Variants in ADGRL3 observed in about 807,000 individuals in gnomAD.
ADGRL3 encodes the protein calcium-independent alpha-latrotoxin receptor 3.
A neutral mutation model predicts 153.5 loss-of-function variants in ADGRL3; 62 were observed. The observed-to-expected ratio is 0.40, with a 90% CI of 0.33 to 0.50. The LOEUF (loss-of-function observed/expected upper bound fraction) is 0.50, where lower values mean the gene tolerates loss of function less well. Among genes scored for constraint, ADGRL3 ranks in the 20% least tolerant of loss-of-function variants. The pLI is 0.47. For synonymous variants in ADGRL3, 710 were observed against 672.5 expected (o/e 1.06, Z -0.86); for missense variants, 1,641 against 1,859.4 (o/e 0.88, Z 2.16).
chr4:61,937,715 G>C (rs889038171), intron 15 of ADGRL3, among the ~76,000 whole-genome samples: 7 of 152,132 alleles, frequency 4.6e-5, no homozygotes, highest in African/African-American at 1.7e-4. Flanking sequence ...CAGAGGCCTT[G>C]TCTAATCTTG....
intron 5 of ADGRL3, among the ~76,000 whole-genome samples, chr4:61,673,158 A>AT (rs2095064585): frequency 6.6e-6 from 1 of 151,892 alleles, no homozygotes; most frequent in Non-Finnish European, 1.5e-5. Context: ...AGAAAGTAGA[A>AT]TGGTAGTTTC....
intron 21 of ADGRL3, among the ~76,000 whole-genome samples, chr4:62,006,473 T>C (rs1279405843): frequency 6.6e-6 from 1 of 152,058 alleles, no homozygotes; most frequent in Non-Finnish European, 1.5e-5. Context: ...GTTTTTGTTT[T>C]TGTTTTTTTG....
intron 6 of ADGRL3, among the ~76,000 whole-genome samples, chr4:61,679,213 C>A (rs1168679574): frequency 1.3e-5 from 2 of 151,898 alleles, no homozygotes; most frequent in Admixed American, 1.3e-4. Flanking sequence ...AGCTCCTAGA[C>A]TCTATTTAAT....
At chr4:61,526,844 A>G (rs1039116516) in intron 4 of ADGRL3, among the ~76,000 whole-genome samples, 1 of 152,184 alleles carries the variant, frequency 6.6e-6, no homozygotes. Flanking sequence ...AGATAAGTAG[A>G]GAAACACTGG....
At chr4:61,579,037 C>A (rs1271356872) in intron 4 of ADGRL3, among the ~76,000 whole-genome samples, 1 of 152,028 alleles carries the variant, frequency 6.6e-6, no homozygotes, top group South Asian at 2.1e-4. Flanking sequence ...AGCTTGTTCA[C>A]ATACATGAAG....
At chr4:61,335,491 T>G (rs2095656657) in intron 1 of ADGRL3, among the ~76,000 whole-genome samples, 1 of 152,208 alleles carries the variant, frequency 6.6e-6, no homozygotes, top group South Asian at 2.1e-4. Flanking sequence ...CTTTCAGGAC[T>G]GATGTTCCTG....
At chr4:61,351,837 T>C (rs2096058443) in intron 1 of ADGRL3, among the ~76,000 whole-genome samples, 1 of 152,180 alleles carries the variant, frequency 6.6e-6, no homozygotes, top group Non-Finnish European at 1.5e-5. Flanking sequence ...GATGGAGATG[T>C]GTAAGAAGAT....
chr4:61,912,668 C>G, intron 12 of ADGRL3, 51 bp from the exon 13 acceptor site: 1 of 1,530,606 alleles, frequency 6.5e-7, no homozygotes, highest in Non-Finnish European at 9.0e-7. Context: ...TCTTCTGTCA[C>G]TAACTTGTTT....
intron 5 of ADGRL3, among the ~76,000 whole-genome samples, chr4:61,627,192 C>A (rs2092884669): frequency 6.6e-6 from 1 of 151,994 alleles, no homozygotes; most frequent in Non-Finnish European, 1.5e-5. Context: ...TTTACTTGAT[C>A]TTATATTAAT....
At chr4:61,922,667 G>C (rs2098775236) in intron 13 of ADGRL3, among the ~76,000 whole-genome samples, 1 of 152,118 alleles carries the variant, frequency 6.6e-6, no homozygotes, top group Admixed American at 6.6e-5. Context: ...TTAAAAAATA[G>C]TAAACACATA....
intron 8 of ADGRL3, among the ~76,000 whole-genome samples, chr4:61,734,014 C>A (rs916368155): frequency 6.6e-6 from 1 of 152,156 alleles, no homozygotes; most frequent in Non-Finnish European, 1.5e-5. Flanking sequence ...CATATCTGAC[C>A]TCCCATTTTG....
intron 6 of ADGRL3, among the ~76,000 whole-genome samples, chr4:61,720,833 CATA>C (rs1257510975): frequency 6.6e-6 from 1 of 152,134 alleles, no homozygotes; most frequent in East Asian, 1.9e-4. Flanking sequence ...TCATAATTAT[CATA>C]ATCCTTATGT....
intron 5 of ADGRL3, among the ~76,000 whole-genome samples, chr4:61,651,677 G>A (rs2094257684): frequency 6.6e-6 from 1 of 151,352 alleles, no homozygotes; most frequent in Non-Finnish European, 1.5e-5. Context: ...GCGTGATCTC[G>A]GCTCACTGCA....
At chr4:61,266,412 G>C (rs576175544) in intron 1 of ADGRL3, among the ~76,000 whole-genome samples, 1 of 151,852 alleles carries the variant, frequency 6.6e-6, no homozygotes, top group Non-Finnish European at 1.5e-5. Flanking sequence ...TATTTGGGAG[G>C]ACTTTTACAT....
chr4:61,496,558 C>T (rs542397388), intron 2 of ADGRL3, among the ~76,000 whole-genome samples: 254 of 152,092 alleles, frequency 1.7e-3, no homozygotes, highest in Non-Finnish European at 2.6e-3. Context: ...AGGAGAATCG[C>T]GTGAACCCGG....
At chr4:61,556,559 C>T (rs1333954483) in intron 4 of ADGRL3, among the ~76,000 whole-genome samples, 1 of 152,050 alleles carries the variant, frequency 6.6e-6, no homozygotes, top group Non-Finnish European at 1.5e-5. Context: ...GTCACTCTCC[C>T]TGCACTATGG....
chr4:61,926,474 A>G (rs942702655), intron 13 of ADGRL3, among the ~76,000 whole-genome samples: 4 of 152,102 alleles, frequency 2.6e-5, no homozygotes, highest in Admixed American at 6.5e-5. Flanking sequence ...ATCATTTTAA[A>G]TATCTTTGGA....
rs115552912 is a variant in ADGRL3, at chr4:61,395,132, C to T, written c.-174+11943C>T. On this transcript the variant is annotated intron_variant, in intron 2 of 26. Coordinates refer to ENST00000683033, the MANE Select transcript of ADGRL3 (RefSeq NM_001387552.1). ...TTAAATATGCTGAATTAATAGTATT[C>T]TTGGATTGTCAGTTCCGGGACAATC... Among the ~76,000 whole-genome samples, 272 of 151,928 alleles carry T rather than the reference C, an allele frequency of 1.8e-3. 2 individuals are homozygous for T. The highest frequency in any genetic ancestry group is 6.3e-3 in the African/African-American group (263 of 41,478).
At chr4:61,899,991 T>A (rs1315535531) in intron 11 of ADGRL3, among the ~76,000 whole-genome samples, 2 of 152,130 alleles carry the variant, frequency 1.3e-5, no homozygotes, top group African/African-American at 2.4e-5. Flanking sequence ...GACACAAACA[T>A]TCAGACCGTG....
Sources: allele counts gnomAD v4.1 joint callset (sites outside exome capture counted in the v4.1 genomes callset), GRCh38; gene constraint gnomAD v4.1.1; transcripts MANE v1.5; gene names NCBI Gene and HGNC (gene_info 2026-07-23, HGNC 2026-07-21).